The following CPNE4 variants were observed in gnomAD, a reference collection of about 807,000 sequenced individuals.
CPNE4 encodes copine-4.
CPNE4 carries 25 observed loss-of-function variants against 67.9 expected under a neutral mutation model. That is an observed-to-expected ratio of 0.37 (90% CI 0.27 to 0.51). The LOEUF (loss-of-function observed/expected upper bound fraction) is 0.51, where lower values mean the gene tolerates loss of function less well. Among genes scored for constraint, CPNE4 ranks in the 20% least tolerant of loss-of-function variants. The pLI is 0.93. For missense variants in CPNE4, 464 were observed against 690.8 expected, an observed-to-expected ratio of 0.67 and a Z score of 3.68; for synonymous variants, 242 against 244.9, an observed-to-expected ratio of 0.99 and a Z score of 0.11.
chr3:131,955,410 G>GTT (rs766033406), intron 1 of CPNE4, among the ~76,000 whole-genome samples: 464 of 42,128 alleles, frequency 0.011, 36 homozygotes, highest in African/African-American at 0.039. Flanking sequence ...TGTATGTAAG[G>GTT]TTTTTTTTTT....
Position 131,681,729 on chromosome 3 carries a change from T to C in CPNE4, c.591+4146A>G, listed in dbSNP as rs376625774. Reference sequence around the variant, plus strand: ...AATAAACTTTCCACCCTTATCTCTTTTTCTCCTTATACTTTATGGCCAATA... The same window carrying C: ...AATAAACTTTCCACCCTTATCTCTTCTTCTCCTTATACTTTATGGCCAATA... On this transcript the variant is annotated intron_variant, in intron 6 of 15. Coordinates refer to ENST00000429747, the MANE Select transcript of CPNE4 (RefSeq NM_130808.3). Among the ~76,000 whole-genome samples, 4 of 152,264 alleles carry C rather than the reference T, an allele frequency of 2.6e-5. No individual in the cohort carries two copies. In the East Asian group the frequency reaches 7.7e-4, roughly 29 times the overall value.
intron 15 of CPNE4, chr3:131,537,585 G>A: frequency 3.6e-6 from 1 of 279,962 alleles, no homozygotes; most frequent in Non-Finnish European, 7.0e-6. Flanking sequence ...ACCCAGCCCT[G>A]AAGACTTGTA....
At position 131,905,304 on chromosome 3, in the gene CPNE4, C is replaced by A; in HGVS notation, c.140G>T (p.Cys47Phe). ...DRDALSKPDPCVILKMQSHGQ... is the reference protein window; with the variant it reads ...DRDALSKPDPFVILKMQSHGQ... ...ATGAGACTGCATCTTGAGGATGACA[C>A]AGGGGTCTGGTTTGGAAAGGGCATC... Residue 47 changes from cysteine (C) to phenylalanine (F), a missense_variant, in exon 2 of 16, where the codon TGT (cysteine) becomes TTT (phenylalanine). Cys to Phe is a radical substitution (Grantham distance 205). This residue lies in a region of CPNE4 where 170 missense variants were observed against 203.3 expected (regional missense o/e 0.84). Transcript: ENST00000429747. 2 of 1,613,506 alleles carry A rather than the reference C, an allele frequency of 1.2e-6. No homozygotes were observed. The highest frequency in any genetic ancestry group is 1.7e-6 in the Non-Finnish European group (2 of 1,179,634).
chr3:131,567,565 T>C (rs1937122996), intron 10 of CPNE4, among the ~76,000 whole-genome samples: 1 of 151,978 alleles, frequency 6.6e-6, no homozygotes, highest in East Asian at 1.9e-4. Flanking sequence ...GTACGTCTCT[T>C]GCTTTACCTC....
chr3:131,603,590 CAT>C (rs1018849284), intron 7 of CPNE4, among the ~76,000 whole-genome samples: 3 of 152,116 alleles, frequency 2.0e-5, no homozygotes, highest in Non-Finnish European at 1.5e-5. Context: ...TTTGTAACTT[CAT>C]AACCTTACAA....
intron 7 of CPNE4, among the ~76,000 whole-genome samples, chr3:131,603,892 C>T (rs1939352497): frequency 6.6e-6 from 1 of 152,118 alleles, no homozygotes; most frequent in African/African-American, 2.4e-5. Context: ...TCTTCATTTT[C>T]CAGGGGCTAA....
intron 1 of CPNE4, among the ~76,000 whole-genome samples, chr3:131,949,455 C>T (rs143381522): frequency 1.0e-3 from 152 of 152,010 alleles, no homozygotes; most frequent in Non-Finnish European, 1.6e-3. Context: ...CAGTGAAACA[C>T]GAAAAGATAT....
At chr3:131,678,148 C>T (rs2080636560) in intron 6 of CPNE4, among the ~76,000 whole-genome samples, 1 of 151,888 alleles carries the variant, frequency 6.6e-6, no homozygotes, top group Admixed American at 6.6e-5. Flanking sequence ...CTTTCAGTTT[C>T]CTTGTTAGCT....
At position 131,856,834 on chromosome 3, in the gene CPNE4, A is replaced by C. The variant is rs141485928; in HGVS notation, c.180+48430T>G. On this transcript the variant is annotated intron_variant, in intron 2 of 15. Transcript: ENST00000429747. ...GCTGTTGTCCCTATTATACAGATGA[A>C]CAAAATTAAGCACAGAAAACTTACC... 7.2e-5 allele frequency among the ~76,000 whole-genome samples: 11 copies of C among 152,164 alleles called. No homozygotes were observed. The East Asian group carries it at 1.9e-3, about 27-fold the overall frequency.
At chr3:131,932,396 A>T (rs908869758) in intron 1 of CPNE4, among the ~76,000 whole-genome samples, 1 of 152,094 alleles carries the variant, frequency 6.6e-6, no homozygotes, top group African/African-American at 2.4e-5. Context: ...GTCCTGCTTT[A>T]TGTCATGTTC....
chr3:131,613,575 CA>C (rs1340833329), intron 7 of CPNE4, among the ~76,000 whole-genome samples: 6 of 152,176 alleles, frequency 3.9e-5, no homozygotes, highest in African/African-American at 1.4e-4. Flanking sequence ...AAACGTTGTT[CA>C]TATTTGCAAA....
chr3:131,774,748 C>G (rs368535851), intron 2 of CPNE4, among the ~76,000 whole-genome samples: 1 of 152,134 alleles, frequency 6.6e-6, no homozygotes, highest in African/African-American at 2.4e-5. Flanking sequence ...ACTTCCCTGC[C>G]TCTCGTCCAC....
At chr3:131,604,206 T>A (rs1291460821) in intron 7 of CPNE4, among the ~76,000 whole-genome samples, 2 of 152,188 alleles carry the variant, frequency 1.3e-5, no homozygotes, top group African/African-American at 4.8e-5. Context: ...AATTTCTACT[T>A]AATATAGCTC....
chr3:131,961,429 T>C (rs2072171525), intron 1 of CPNE4, among the ~76,000 whole-genome samples: 1 of 152,150 alleles, frequency 6.6e-6, no homozygotes, highest in African/African-American at 2.4e-5. Context: ...CTGGAGCTCA[T>C]CAAAAGCAAT....
intron 3 of CPNE4, among the ~76,000 whole-genome samples, chr3:131,704,546 T>C (rs769060448): frequency 1.3e-5 from 2 of 152,212 alleles, no homozygotes; most frequent in Non-Finnish European, 2.9e-5. Context: ...ATCTCACTTC[T>C]CTTTTTTCTC....
At chr3:131,864,624 T>C (rs893767669) in intron 2 of CPNE4, among the ~76,000 whole-genome samples, 106 of 151,992 alleles carry the variant, frequency 7.0e-4, no homozygotes, top group African/African-American at 2.5e-3. Flanking sequence ...GATGGGGTTT[T>C]CTAGATATAC....
In CPNE4 at chr3:131,943,826, C is replaced by G. The variant is rs140157341; in HGVS notation, c.-1-38382G>C. 7.2e-5 allele frequency among the ~76,000 whole-genome samples: 11 copies of G among 152,192 alleles called. No individual in the cohort carries two copies. The East Asian group carries it at 2.1e-3, about 29-fold the overall frequency. On this transcript the variant is annotated intron_variant, in intron 1 of 15. Coordinates refer to ENST00000429747, the MANE Select transcript of CPNE4 (RefSeq NM_130808.3). ...TTTAGTATGATGTACAAAACCGCTC[C>G]CTCCTTGTGCATTACGCTGTAGCAA...
At chr3:131,587,994 T>C (rs2107702213) in intron 7 of CPNE4, among the ~76,000 whole-genome samples, 1 of 152,344 alleles carries the variant, frequency 6.6e-6, no homozygotes, top group Middle Eastern at 3.4e-3. Context: ...TGAGTCCATC[T>C]ATATAGCTTT....
intron 8 of CPNE4, among the ~76,000 whole-genome samples, chr3:131,583,751 G>C (rs1404473922): frequency 6.6e-6 from 1 of 152,164 alleles, no homozygotes; most frequent in Non-Finnish European, 1.5e-5. Context: ...GTTTGCATCT[G>C]TCTTGGGATG....
Sources: allele counts gnomAD v4.1 joint callset (sites outside exome capture counted in the v4.1 genomes callset), GRCh38; gene constraint gnomAD v4.1.1; regional missense constraint gnomAD v4.1.1; transcripts MANE v1.5; gene names NCBI Gene and HGNC (gene_info 2026-07-23, HGNC 2026-07-21).